The following MITF variants were observed in gnomAD, a reference collection of about 807,000 sequenced individuals.
The protein encoded by MITF is microphthalmia-associated transcription factor.
Under a neutral mutation model 60.5 loss-of-function variants are expected in MITF, and 17 were observed. The observed-to-expected ratio is 0.28, with a 90% CI of 0.19 to 0.42. MITF has a LOEUF of 0.42. MITF is among the 10% of genes least tolerant of loss of function. MITF has a pLI of 1.00. For missense variants in MITF, 622 were observed against 683.5 expected, an observed-to-expected ratio of 0.91 and a Z score of 1.00; for synonymous variants, 260 against 248.5, an observed-to-expected ratio of 1.05 and a Z score of -0.43.
At chr3:69,861,590 C>A (rs1408737549) in intron 1 of MITF, among the ~76,000 whole-genome samples, 1 of 152,180 alleles carries the variant, frequency 6.6e-6, no homozygotes, top group African/African-American at 2.4e-5. Context: ...AGGGCTCTAG[C>A]ATTCTGTCCT....
In MITF at chr3:69,968,311, C is replaced by T. The variant is rs1163558247; in HGVS notation, c.*3063C>T. 1 of 227,912 alleles carries T rather than the reference C, an allele frequency of 4.4e-6. No individual in the cohort carries two copies. The highest frequency in any genetic ancestry group is 8.7e-6 in the Non-Finnish European group (1 of 114,616). The allele number at this position is 227,912 out of a possible 1,614,324, so 14.1% of individuals were successfully genotyped here. A position where few individuals can be genotyped will look rare whatever the true frequency, so the allele number is the denominator to read the frequency against. On this transcript the variant is annotated 3_prime_UTR_variant, in exon 10 of 10. Transcript: ENST00000352241. ...ATAATCGACTTGTTCTTGATAGCCT[C>T]ATTAAAGCATTTGGTTTTTCACATA... is the stretch of plus-strand genomic sequence containing the variant.
intron 2 of MITF, among the ~76,000 whole-genome samples, chr3:69,903,101 C>T (rs1023955104): frequency 7.2e-5 from 11 of 152,068 alleles, no homozygotes; most frequent in African/African-American, 2.2e-4. Context: ...TATTATGAAA[C>T]CATAGAGATG....
Position 69,804,015 on chromosome 3 carries a change from G to T in MITF, c.104+64314G>T, listed in dbSNP as rs183320691. On this transcript the variant is annotated intron_variant, in intron 1 of 9. Coordinates refer to ENST00000352241, the MANE Select transcript of MITF (RefSeq NM_001354604.2). ...ATGAAGCAAATGTATCCTGTGCTGGGCTTATGGAAGAACTTGCGGTTGAAC... is the reference window on the plus strand; with the variant it reads ...ATGAAGCAAATGTATCCTGTGCTGGTCTTATGGAAGAACTTGCGGTTGAAC... Among the ~76,000 whole-genome samples, 498 of 152,130 alleles carry T rather than the reference G, an allele frequency of 3.3e-3. 1 individual carries two copies. Among genetic ancestry groups the T allele is most frequent in the Non-Finnish European group, 5.3e-3 (357 of 67,990 alleles).
intron 1 of MITF, among the ~76,000 whole-genome samples, chr3:69,877,583 G>A (rs1172967853): frequency 2.0e-5 from 3 of 152,046 alleles, no homozygotes; most frequent in African/African-American, 7.2e-5. Flanking sequence ...GTTGCATCAT[G>A]TTACATTTTG....
intron 1 of MITF, among the ~76,000 whole-genome samples, chr3:69,840,324 C>CG (rs2063612770): frequency 6.6e-6 from 1 of 152,080 alleles, no homozygotes; most frequent in Non-Finnish European, 1.5e-5. Flanking sequence ...ATTAATTGCC[C>CG]GGGGTGAGCT....
chr3:69,916,289 A>C (rs531154310), intron 2 of MITF, among the ~76,000 whole-genome samples: 1 of 152,308 alleles, frequency 6.6e-6, no homozygotes, highest in East Asian at 1.9e-4. Context: ...TTCTAATGTC[A>C]GAGATTACTG....
chr3:69,807,977 A>C (rs1370126018), intron 1 of MITF, among the ~76,000 whole-genome samples: 1 of 150,580 alleles, frequency 6.6e-6, no homozygotes, highest in African/African-American at 2.4e-5. Flanking sequence ...TATAAATATA[A>C]TATGTAAATA....
At chr3:69,910,628 G>T (rs768948967) in intron 2 of MITF, among the ~76,000 whole-genome samples, 9 of 152,202 alleles carry the variant, frequency 5.9e-5, no homozygotes, top group Admixed American at 4.6e-4. Context: ...TGACCTGGAC[G>T]TAAGACTTGG....
chr3:69,761,192 T>C (rs1559614134), intron 1 of MITF, among the ~76,000 whole-genome samples: 1 of 151,986 alleles, frequency 6.6e-6, no homozygotes, highest in African/African-American at 2.4e-5. Flanking sequence ...AAAAATTCTT[T>C]CTGTGTTAGA....
intron 1 of MITF, among the ~76,000 whole-genome samples, chr3:69,830,624 G>A (rs1355272950): frequency 1.3e-5 from 2 of 152,170 alleles, no homozygotes; most frequent in Non-Finnish European, 2.9e-5. Flanking sequence ...TCATCAAAGT[G>A]GGGATGTTTG....
At chr3:69,921,359 C>T (rs2065464159) in intron 2 of MITF, among the ~76,000 whole-genome samples, 6 of 152,182 alleles carry the variant, frequency 3.9e-5, no homozygotes, top group African/African-American at 1.4e-4. Flanking sequence ...CAATAATGCA[C>T]TCATAGTTGA....
intron 1 of MITF, among the ~76,000 whole-genome samples, chr3:69,833,514 G>A (rs1487379033): frequency 6.6e-6 from 1 of 151,586 alleles, no homozygotes; most frequent in South Asian, 2.1e-4. Flanking sequence ...CACTGTATGT[G>A]GTTGTTTTTC....
At chr3:69,929,815 T>G (rs2065677722) in intron 2 of MITF, among the ~76,000 whole-genome samples, 1 of 152,096 alleles carries the variant, frequency 6.6e-6, no homozygotes, top group Non-Finnish European at 1.5e-5. Flanking sequence ...AGATGGTGGC[T>G]TGGATCAGAT....
intron 1 of MITF, among the ~76,000 whole-genome samples, chr3:69,840,327 G>A (rs1258275904): frequency 6.6e-6 from 1 of 152,116 alleles, no homozygotes; most frequent in Non-Finnish European, 1.5e-5. Flanking sequence ...AATTGCCCGG[G>A]GTGAGCTGGA....
At chr3:69,914,905 C>T (rs1299144790) in intron 2 of MITF, among the ~76,000 whole-genome samples, 3 of 152,004 alleles carry the variant, frequency 2.0e-5, no homozygotes, top group Non-Finnish European at 4.4e-5. Flanking sequence ...AAATAATAAG[C>T]AATTCAGGAC....
intron 1 of MITF, among the ~76,000 whole-genome samples, chr3:69,857,794 A>G (rs562458807): frequency 6.6e-6 from 1 of 152,296 alleles, no homozygotes; most frequent in Admixed American, 6.5e-5. Context: ...TGCCTGGGAC[A>G]TAGGAGGTGC....
chr3:69,926,743 A>G (rs111742506), intron 2 of MITF, among the ~76,000 whole-genome samples: 1 of 152,324 alleles, frequency 6.6e-6, no homozygotes, highest in African/African-American at 2.4e-5. Context: ...CCTTTGGAAA[A>G]ACCATAAAAA....
At chr3:69,765,828 T>G (rs1378637444) in intron 1 of MITF, among the ~76,000 whole-genome samples, 1 of 152,354 alleles carries the variant, frequency 6.6e-6, no homozygotes, top group East Asian at 1.9e-4. Flanking sequence ...CCATATACAC[T>G]TAGCCAACAT....
At chr3:69,905,612 A>C (rs556061833) in intron 2 of MITF, among the ~76,000 whole-genome samples, 13 of 152,198 alleles carry the variant, frequency 8.5e-5, no homozygotes, top group Admixed American at 5.9e-4. Context: ...AATGTATGAG[A>C]GTTCTATTTC....
Sources: gnomAD v4.1 joint callset for allele counts (sites outside exome capture counted in the v4.1 genomes callset) on GRCh38, gnomAD v4.1.1 for gene constraint, MANE v1.5 for transcripts, NCBI Gene and HGNC (gene_info 2026-07-23, HGNC 2026-07-21) for gene names.